Variants in SLX4 observed in about 807,000 individuals in gnomAD.
The protein encoded by SLX4 is SLX4 structure-specific endonuclease subunit, also known as structure-specific endonuclease subunit SLX4.
In SLX4, 112 loss-of-function variants were observed where a neutral mutation model predicts 146.2. The ratio of observed to expected loss-of-function variants is 0.77; its 90% CI spans 0.66 to 0.90. The LOEUF is 0.90. SLX4 is among the 40% of genes least tolerant of loss of function. The pLI is 0.00. For synonymous variants in SLX4, 1,061 were observed against 997.7 expected, an observed-to-expected ratio of 1.06 and a Z score of -1.20; for missense variants, 2,563 against 2,392.7, an observed-to-expected ratio of 1.07 and a Z score of -1.49.
At chr16:3,602,693 T>G (rs2040740998) in intron 3 of SLX4, among the ~76,000 whole-genome samples, 1 of 152,248 alleles carries the variant, frequency 6.6e-6, no homozygotes, top group Non-Finnish European at 1.5e-5. Context: ...TGAAGTTGGC[T>G]ACCTCGGGCA....
chr16:3,589,177 T>C lies in SLX4; in HGVS notation c.4461A>G (p.Lys1487=), dbSNP rs752605836. 1.2e-6 allele frequency: 2 copies of C among 1,614,142 alleles called. No homozygotes were observed. Among genetic ancestry groups the C allele is most frequent in the East Asian group, 4.5e-5 (2 of 44,874 alleles). The change falls in exon 12 of 15, where the codon AAA becomes AAG. Residue 1487 remains lysine (K), a synonymous_variant. Transcript: ENST00000294008. The surrounding 1 kb of genome is among the most constrained non-coding windows in gnomAD (Gnocchi z 6.2). ...CCGCGCCCGAGGACTTCTCTTGCAA[T>C]TTCCTCTGGGTAGTGCAGCTTCCTC... The part of the protein sequence containing the change: ...PIRGSCTTQR[K]LQEKSSGAGS...
intron 3 of SLX4, among the ~76,000 whole-genome samples, chr16:3,604,215 T>TAAAAA (rs2040759015): frequency 8.1e-6 from 1 of 122,886 alleles, no homozygotes. Flanking sequence ...CAAGCCTCTG[T>TAAAAA]CAAAAAAAAA....
chr16:3,609,076 G>T lies in SLX4; in HGVS notation c.-112C>A, dbSNP rs779687936. On this transcript the variant is annotated 5_prime_UTR_variant, in exon 2 of 15. Transcript: ENST00000294008. ...AAGTATCTTTGTTCAAATTGGGCCT[G>T]TGGTTAAACATGTTTAAAGCTTCCC... The T allele has an allele frequency of 2.3e-5, 31 of 1,334,226 alleles. No homozygotes were observed. Among genetic ancestry groups the T allele is most frequent in the Non-Finnish European group, 3.2e-5 (31 of 966,752 alleles). 82.6% of individuals were successfully genotyped at this position (1,334,226 alleles called of 1,614,324 possible). A position where few individuals can be genotyped will look rare whatever the true frequency, so the allele number is the denominator to read the frequency against.
intron 3 of SLX4, among the ~76,000 whole-genome samples, chr16:3,604,902 G>T (rs982372899): frequency 2.0e-5 from 3 of 150,590 alleles, no homozygotes; most frequent in Non-Finnish European, 3.0e-5. Flanking sequence ...TTGAGGTATA[G>T]GGGATTAGGG....
chr16:3,596,185 C>T lies in SLX4; in HGVS notation c.1892G>A (p.Ser631Asn). 1.3e-6 allele frequency: 2 copies of T among 1,551,758 alleles called. No individual in the cohort carries two copies. Among genetic ancestry groups the T allele is most frequent in the African/African-American group, 1.4e-5 (1 of 73,390 alleles). ...EGLSASPWPG[S>N]GGLAGSEGTA... ...CCCTTCCGAGCCAGCCAGGCCCCCA[C>T]TGCCGGGCCACGGGCTGGCGCTCAG... Residue 631 changes from serine to asparagine, a missense_variant, in exon 8 of 15, where the codon AGT (serine) becomes AAT (asparagine). Ser to Asn is a conservative substitution (Grantham distance 46). Transcript: ENST00000294008.
chr16:3,586,817 CAAAA>C (rs1361035549), intron 12 of SLX4, among the ~76,000 whole-genome samples: 2 of 92,404 alleles, frequency 2.2e-5, no homozygotes, highest in Admixed American at 1.2e-4. Context: ...GGCTCCGTCT[CAAAA>C]AAAAAAAAAA....
At chr16:3,600,160 G>A (rs950358328) in intron 5 of SLX4, among the ~76,000 whole-genome samples, 1 of 152,198 alleles carries the variant, frequency 6.6e-6, no homozygotes, top group African/African-American at 2.4e-5. Context: ...TTCATAAGGA[G>A]AGCTCAACCT....
chr16:3,607,485 A>C (rs1383585241), intron 2 of SLX4, among the ~76,000 whole-genome samples: 2 of 152,198 alleles, frequency 1.3e-5, no homozygotes, highest in Non-Finnish European at 2.9e-5. Flanking sequence ...CATATAGCTC[A>C]GTATACCAAG....
rs756446820 is a variant in SLX4 at position 3,589,777 on chromosome 16, C to T, written c.3861G>A (p.Val1287=). The T allele has an allele frequency of 1.9e-5, 30 of 1,613,426 alleles. No individual in the cohort carries two copies. The highest frequency in any genetic ancestry group is 1.8e-4 in the Admixed American group (11 of 60,006). The part of the protein sequence containing the change: ...SLRSGLAVQA[V]TQHTPRASVG... ...CTGAGGCCCTGGGCGTGTGCTGAGTCACCGCCTGCACGGCCAGCCCGCTCC... is the reference window on the plus strand; with the variant it reads ...CTGAGGCCCTGGGCGTGTGCTGAGTTACCGCCTGCACGGCCAGCCCGCTCC... The change falls in exon 12 of 15, where the codon GTG becomes GTA. Residue 1287 remains valine (V), a synonymous_variant. Transcript: ENST00000294008. The surrounding 1 kb of genome is among the most constrained non-coding windows in gnomAD (Gnocchi z 6.2).
chr16:3,604,145 TAG>T (rs2040758224), intron 3 of SLX4, among the ~76,000 whole-genome samples: 2 of 149,142 alleles, frequency 1.3e-5, no homozygotes, highest in South Asian at 4.2e-4. Flanking sequence ...GGCACGAGAA[TAG>T]CTTGAACCTG....
chr16:3,598,136 C>G, intron 5 of SLX4, 137 bp from the exon 6 acceptor site: 3 of 928,142 alleles, frequency 3.2e-6, no homozygotes, highest in Non-Finnish European at 5.1e-6. Flanking sequence ...GCGTCCCCCA[C>G]TTCCACTGCC....
chr16:3,602,209 TATC>T lies in SLX4; in HGVS notation c.856_858del (p.Asp286del), dbSNP rs761185763. The T allele has an allele frequency of 3.7e-6, 6 of 1,614,192 alleles. No homozygotes were observed. The East Asian group carries it at 8.9e-5, about 24-fold the overall frequency. The stretch of plus-strand genomic sequence containing the variant: ...AAGAACAAACCCTTTTCCTCCAGGC[TATC>T]ATCATGTGCCGATGCTCCTACCCGT... On this transcript the variant is annotated inframe_deletion, in exon 4 of 15. Transcript: ENST00000294008.
intron 3 of SLX4, among the ~76,000 whole-genome samples, chr16:3,605,289 CTG>C (rs754787648): frequency 9.2e-5 from 14 of 152,072 alleles, no homozygotes; most frequent in Non-Finnish European, 1.6e-4. Flanking sequence ...TGGGGTTTCA[CTG>C]TGTTAGCCAG....
In SLX4 at chr16:3,594,602, G is replaced by C. The variant is rs376615923; in HGVS notation, c.2014-3C>G. On this transcript the variant is annotated splice_polypyrimidine_tract_variant and splice_region_variant and intron_variant, in intron 9 of 14. Transcript: ENST00000294008. ...GCAACCAGCAGCCCGAGGGAGAGCT[G>C]AAGCAGGAGGAGAGGAAGAGCCGTC... 17 of 1,613,920 alleles carry C rather than the reference G, an allele frequency of 1.1e-5. No individual in the cohort carries two copies. Among genetic ancestry groups the C allele is most frequent in the Non-Finnish European group, 1.4e-5 (17 of 1,179,992 alleles).
rs148708979 is a variant in SLX4, at chr16:3,585,957, C to T, written c.4637-1086G>A. ...GGTTGAGGCTGCAGCAAGCCATGAACACGCCACTGCACTCCAGCCTGGGCG... is the reference window on the plus strand; with the variant it reads ...GGTTGAGGCTGCAGCAAGCCATGAATACGCCACTGCACTCCAGCCTGGGCG... On this transcript the variant is annotated intron_variant, in intron 12 of 14. Coordinates refer to ENST00000294008, the MANE Select transcript of SLX4 (RefSeq NM_032444.4). Among the ~76,000 whole-genome samples, 706 of 151,860 alleles carry T rather than the reference C, an allele frequency of 4.6e-3. 4 individuals are homozygous for T. Among genetic ancestry groups the T allele is most frequent in the Middle Eastern group, 0.017 (5 of 294 alleles).
rs1346230317 is a variant in SLX4 at position 3,608,338 on chromosome 16, CAG to C, written c.535+90_535+91del. 5 of 1,319,562 alleles carry C rather than the reference CAG, an allele frequency of 3.8e-6. No homozygotes were observed. In the East Asian group the frequency reaches 9.2e-5, roughly 24 times the overall value. 81.7% of individuals were successfully genotyped at this position (1,319,562 alleles called of 1,614,324 possible). A position where few individuals can be genotyped will look rare whatever the true frequency, so the allele number is the denominator to read the frequency against. ...TGACAGCAGAGTTGAGTAGTTGTGA[CAG>C]AGTCTGTGTGGCCTACAAAGCCAAA... On this transcript the variant is annotated intron_variant, in intron 2 of 14. Coordinates refer to ENST00000294008, the MANE Select transcript of SLX4 (RefSeq NM_032444.4).
chr16:3,601,965 T>C (rs2040731840), intron 4 of SLX4, 153 bp downstream of exon 4: 2 of 818,060 alleles, frequency 2.4e-6, no homozygotes, highest in Non-Finnish European at 4.0e-6. Flanking sequence ...GTGAATTGTA[T>C]CTCAACGAAG....
chr16:3,599,237 A>G (rs1024752371), intron 5 of SLX4, among the ~76,000 whole-genome samples: 3 of 151,638 alleles, frequency 2.0e-5, no homozygotes, highest in Non-Finnish European at 4.4e-5. Context: ...CTGCCATCTC[A>G]GCCCCGAGCC....
At position 3,594,662 on chromosome 16, in the gene SLX4, G is replaced by T. The variant is rs958972560; in HGVS notation, c.2014-63C>A. 1.9e-6 allele frequency: 3 copies of T among 1,610,236 alleles called. No homozygotes were observed. In the African/African-American group the frequency reaches 4.0e-5, roughly 22 times the overall value. ...CCTCTGCTCTGCTAACTGGGCAGTG[G>T]GAAGCTCCCCGCATGGAGGTGGCGC... On this transcript the variant is annotated intron_variant, in intron 9 of 14. Coordinates refer to ENST00000294008, the MANE Select transcript of SLX4 (RefSeq NM_032444.4).
Sources: gnomAD v4.1 joint callset for allele counts (sites outside exome capture counted in the v4.1 genomes callset) on GRCh38, gnomAD v4.1.1 for gene constraint, Gnocchi (gnomAD v3.1) non-coding constraint, MANE v1.5 for transcripts, NCBI Gene and HGNC (gene_info 2026-07-23, HGNC 2026-07-21) for gene names.